Variants in WDFY3 observed in about 807,000 individuals in gnomAD.
WDFY3 encodes the protein WD repeat and FYVE domain-containing protein 3.
Under a neutral mutation model 409.6 loss-of-function variants are expected in WDFY3, and 66 were observed. The observed-to-expected ratio is 0.16, with a 90% CI of 0.13 to 0.20. The LOEUF (loss-of-function observed/expected upper bound fraction) is 0.20. Among genes scored for constraint, WDFY3 ranks in the 10% least tolerant of loss-of-function variants. WDFY3 has a pLI of 1.00. For synonymous variants in WDFY3, 1,521 were observed against 1,537.1 expected (o/e 0.99, Z 0.25); for missense variants, 3,031 against 4,298.1 (o/e 0.71, Z 8.24).
intron 3 of WDFY3, among the ~76,000 whole-genome samples, chr4:84,881,806 G>A (rs151070018): frequency 1.5e-3 from 235 of 151,870 alleles, no homozygotes; most frequent in African/African-American, 4.9e-3. Flanking sequence ...GATCCCAAGC[G>A]GTGCGTGAAG....
At chr4:84,833,081 T>G (rs575311989) in intron 7 of WDFY3, among the ~76,000 whole-genome samples, 10 of 152,104 alleles carry the variant, frequency 6.6e-5, no homozygotes, top group African/African-American at 2.2e-4. Context: ...GACTCAAGAC[T>G]TCTTAAGTAC....
rs531190138 is a variant in WDFY3 at position 84,692,769 on chromosome 4, T to C, written c.9049+116A>G. 19 of 951,966 alleles carry C rather than the reference T, an allele frequency of 2.0e-5. No homozygotes were observed. In the East Asian group the frequency reaches 5.1e-4, roughly 26 times the overall value. 59.0% of individuals were successfully genotyped at this position (951,966 alleles called of 1,614,324 possible). On this transcript the variant is annotated intron_variant, in intron 59 of 67. Transcript: ENST00000295888. The stretch of plus-strand genomic sequence containing the variant: ...ATTTAGTAATCTAACACAAAATGTA[T>C]GGCACTTATTAAACAAATTATGCTA...
rs111874303 is a variant in WDFY3, at chr4:84,864,477, C to T, written c.-31-3855G>A. ...AGTACGAACATTGTAACAACATTAA[C>T]TCTACCAATCCATGAACAAAAGAAA... is the stretch of plus-strand genomic sequence containing the variant. On this transcript the variant is annotated intron_variant, in intron 3 of 67. Transcript: ENST00000295888. Among the ~76,000 whole-genome samples the T allele has an allele frequency of 3.4e-4, 51 of 150,868 alleles. 1 individual carries two copies. Among genetic ancestry groups the T allele is most frequent in the African/African-American group, 1.0e-3 (43 of 41,156 alleles).
intron 3 of WDFY3, 62 bp downstream of exon 3, chr4:84,896,849 T>C (rs111989908): frequency 5.3e-5 from 8 of 152,316 alleles, no homozygotes; most frequent in African/African-American, 1.9e-4. Context: ...TGTTTATCAA[T>C]AAATCCAGTG....
intron 3 of WDFY3, among the ~76,000 whole-genome samples, chr4:84,886,698 T>A (rs1042180490): frequency 1.3e-5 from 2 of 152,116 alleles, no homozygotes; most frequent in Non-Finnish European, 2.9e-5. Context: ...GGTTTTTCAA[T>A]AGGTATTAGA....
intron 54 of WDFY3, among the ~76,000 whole-genome samples, chr4:84,704,836 A>G (rs976992756): frequency 3.3e-5 from 5 of 152,146 alleles, no homozygotes; most frequent in Non-Finnish European, 7.4e-5. Flanking sequence ...AAGCACTTTT[A>G]TGTATTTTTA....
chr4:84,723,924 T>A (rs1358527819), intron 46 of WDFY3, among the ~76,000 whole-genome samples: 1 of 152,242 alleles, frequency 6.6e-6, no homozygotes. Context: ...GTCCAATTCA[T>A]CATCTACTCA....
chr4:84,725,455 C>T (rs1735504028), intron 45 of WDFY3, among the ~76,000 whole-genome samples: 1 of 152,148 alleles, frequency 6.6e-6, no homozygotes, highest in Non-Finnish European at 1.5e-5. Flanking sequence ...CTCCAACTGA[C>T]TTAAATTGTT....
chr4:84,845,044 AAAC>A (rs1757895054), intron 5 of WDFY3, among the ~76,000 whole-genome samples: 1 of 152,240 alleles, frequency 6.6e-6, no homozygotes, highest in African/African-American at 2.4e-5. Context: ...AGATAGATGT[AAAC>A]AACAGAACTG....
At chr4:84,762,821 T>G (rs1312761867) in intron 32 of WDFY3, among the ~76,000 whole-genome samples, 3 of 152,116 alleles carry the variant, frequency 2.0e-5, no homozygotes, top group African/African-American at 7.2e-5. Flanking sequence ...AATTGTAAGA[T>G]TAAACAATGT....
chr4:84,678,968 G>A lies in WDFY3; in HGVS notation c.10098C>T (p.His3366=). 2.5e-6 allele frequency: 4 copies of A among 1,614,186 alleles called. No homozygotes were observed. Among genetic ancestry groups the A allele is most frequent in the Non-Finnish European group, 2.5e-6 (3 of 1,180,014 alleles). ...TRAHLQGPLS[H]PHPNPIEVRN... The stretch of plus-strand genomic sequence containing the variant: ...GCACCTCAATGGGATTGGGGTGGGG[G>A]TGGCTAAGGGGGCCCTGCAGATGGG... The change falls in exon 65 of 68, where the codon CAC becomes CAT. Residue 3366 remains histidine, a synonymous_variant. Transcript: ENST00000295888.
At chr4:84,947,950 A>G (rs543240249) in intron 1 of WDFY3, among the ~76,000 whole-genome samples, 2 of 152,248 alleles carry the variant, frequency 1.3e-5, no homozygotes, top group African/African-American at 4.8e-5. Flanking sequence ...CAACTCTGAT[A>G]TCTTCTGTTC....
intron 62 of WDFY3, among the ~76,000 whole-genome samples, chr4:84,684,338 T>C (rs1040753825): frequency 6.6e-6 from 1 of 152,156 alleles, no homozygotes; most frequent in African/African-American, 2.4e-5. Context: ...GTTGAGTGGA[T>C]GCAGTGGCCA....
At chr4:84,951,561 A>G (rs368069136) in intron 1 of WDFY3, among the ~76,000 whole-genome samples, 2 of 152,340 alleles carry the variant, frequency 1.3e-5, no homozygotes, top group South Asian at 2.1e-4. Flanking sequence ...TATGATATAT[A>G]TCTATATCTC....
chr4:84,696,723 T>C lies in WDFY3; in HGVS notation c.8688+9A>G. On this transcript the variant is annotated intron_variant, in intron 57 of 67. Coordinates refer to ENST00000295888, the MANE Select transcript of WDFY3 (RefSeq NM_014991.6). ...ATTCAACTTCAATTGTAAAATGTAC[T>C]TCCATTACCTCACGATGGACTCTGA... 6.2e-7 allele frequency: 1 copy of C among 1,612,356 alleles called. No individual in the cohort carries two copies. Among genetic ancestry groups the C allele is most frequent in the Non-Finnish European group, 8.5e-7 (1 of 1,178,946 alleles).
chr4:84,815,798 G>A (rs1424695325), intron 13 of WDFY3, among the ~76,000 whole-genome samples: 1 of 151,860 alleles, frequency 6.6e-6, no homozygotes, highest in East Asian at 1.9e-4. Flanking sequence ...GTTACGGTAG[G>A]GTCCATTGTA....
intron 3 of WDFY3, among the ~76,000 whole-genome samples, chr4:84,876,044 T>G (rs544060718): frequency 6.6e-6 from 1 of 152,234 alleles, no homozygotes; most frequent in South Asian, 2.1e-4. Flanking sequence ...TTACATGATT[T>G]ATATGCATGT....
intron 3 of WDFY3, among the ~76,000 whole-genome samples, chr4:84,893,223 CA>C (rs1020757291): frequency 5.1e-4 from 78 of 151,620 alleles, no homozygotes; most frequent in African/African-American, 1.8e-3. Flanking sequence ...CTCTTTTCTG[CA>C]AAAAAAAGGT....
In WDFY3 at chr4:84,894,880, G is replaced by A. The variant is rs1765423455; in HGVS notation, c.-32+2031C>T. 2.0e-5 allele frequency among the ~76,000 whole-genome samples: 3 copies of A among 149,306 alleles called. No homozygotes were observed. The South Asian group carries it at 6.3e-4, about 31-fold the overall frequency. Reference sequence around the variant, plus strand: ...CATAAGAATCACTTGAACCTGGGGGGAGGAGATTGCAGTGAGCCAAAATTG... The same window carrying A: ...CATAAGAATCACTTGAACCTGGGGGAAGGAGATTGCAGTGAGCCAAAATTG... On this transcript the variant is annotated intron_variant, in intron 3 of 67. Transcript: ENST00000295888.
Sources: gnomAD v4.1 joint callset for allele counts (sites outside exome capture counted in the v4.1 genomes callset) on GRCh38, gnomAD v4.1.1 for gene constraint, MANE v1.5 for transcripts, NCBI Gene and HGNC (gene_info 2026-07-23, HGNC 2026-07-21) for gene names.